Variants in TEAD1 observed in about 807,000 individuals in gnomAD.
TEAD1 encodes the protein TEA domain transcription factor 1.
Under a neutral mutation model 54.9 loss-of-function variants are expected in TEAD1, and 9 were observed. That is an observed-to-expected ratio of 0.16 (90% CI 0.10 to 0.29). The LOEUF (loss-of-function observed/expected upper bound fraction) is 0.29. Ranked by LOEUF, TEAD1 falls within the 10% of genes least tolerant of loss-of-function variation. TEAD1 has a pLI of 1.00. For missense variants in TEAD1, 387 were observed against 535.9 expected, an observed-to-expected ratio of 0.72 and a Z score of 2.74; for synonymous variants, 200 against 187.8, an observed-to-expected ratio of 1.07 and a Z score of -0.53.
intron 10 of TEAD1, among the ~76,000 whole-genome samples, chr11:12,912,581 G>A (rs1439036205): frequency 6.6e-6 from 1 of 152,016 alleles, no homozygotes; most frequent in East Asian, 1.9e-4. Context: ...TGGAAACCCT[G>A]GTCACAGGGG....
intron 3 of TEAD1, among the ~76,000 whole-genome samples, chr11:12,785,564 C>G (rs565354823): frequency 6.6e-6 from 1 of 151,782 alleles, no homozygotes; most frequent in South Asian, 2.1e-4. Context: ...GATATATAAT[C>G]TTCCTTCCTG....
chr11:12,698,882 G>C (rs971180506), intron 2 of TEAD1, among the ~76,000 whole-genome samples: 13 of 152,126 alleles, frequency 8.5e-5, no homozygotes, highest in African/African-American at 3.1e-4. Flanking sequence ...ACTCTTTCCA[G>C]GTTTGTTATT....
At chr11:12,736,519 A>G (rs1944535856) in intron 2 of TEAD1, among the ~76,000 whole-genome samples, 1 of 152,196 alleles carries the variant, frequency 6.6e-6, no homozygotes, top group South Asian at 2.1e-4. Context: ...TGAAGATGCA[A>G]TTTATTAGTG....
In TEAD1 at chr11:12,854,732, C is replaced by T. The variant is rs1947337800; in HGVS notation, c.203-7518C>T. Among the ~76,000 whole-genome samples the T allele has an allele frequency of 2.6e-5, 4 of 151,372 alleles. No homozygotes were observed. The South Asian group carries it at 8.4e-4, about 32-fold the overall frequency. ...TCAGCCTCCTGAGTACCTGGGACCA[C>T]AGGCAGGTGCTACCAAGCCTGGCTG... is the stretch of plus-strand genomic sequence containing the variant. On this transcript the variant is annotated intron_variant, in intron 3 of 12. Coordinates refer to ENST00000527636, the MANE Select transcript of TEAD1 (RefSeq NM_021961.6).
At chr11:12,811,385 G>A (rs1424131952) in intron 3 of TEAD1, among the ~76,000 whole-genome samples, 1 of 152,202 alleles carries the variant, frequency 6.6e-6, no homozygotes, top group Non-Finnish European at 1.5e-5. Flanking sequence ...CATCTAAGCT[G>A]TTGGAACAAG....
chr11:12,677,323 C>T (rs568464312), intron 2 of TEAD1, among the ~76,000 whole-genome samples: 2 of 152,078 alleles, frequency 1.3e-5, no homozygotes, highest in Non-Finnish European at 2.9e-5. Context: ...TGTGCCCAGG[C>T]CCCAGCAGCA....
At chr11:12,888,993 C>T (rs901799091) in intron 9 of TEAD1, among the ~76,000 whole-genome samples, 2 of 152,122 alleles carry the variant, frequency 1.3e-5, no homozygotes, top group African/African-American at 4.8e-5. Flanking sequence ...CGGCAGCTTC[C>T]CCAAGTTGGT....
intron 10 of TEAD1, among the ~76,000 whole-genome samples, chr11:12,919,032 A>C (rs969795849): frequency 1.3e-5 from 2 of 152,210 alleles, no homozygotes; most frequent in African/African-American, 4.8e-5. Context: ...CCATTTCTTC[A>C]TCTGGGTGCT....
At position 12,674,479 on chromosome 11, in the gene TEAD1, C is replaced by G. The variant is rs1307315066; in HGVS notation, c.-563C>G. 1 of 152,010 alleles carries G rather than the reference C, an allele frequency of 6.6e-6. No homozygotes were observed. The highest frequency in any genetic ancestry group is 1.5e-5 in the Non-Finnish European group (1 of 68,368). 9.4% of individuals were successfully genotyped at this position (152,010 alleles called of 1,614,324 possible). A position where few individuals can be genotyped will look rare whatever the true frequency, so the allele number is the denominator to read the frequency against. On this transcript the variant is annotated 5_prime_UTR_variant, in exon 1 of 13. Coordinates refer to ENST00000527636, the MANE Select transcript of TEAD1 (RefSeq NM_021961.6). ...CCGCGCCGCCTGAGCCGAGCCGAGC[C>G]TCTGCTGCCGCCGCCGCGGCCCCGC...
intron 3 of TEAD1, among the ~76,000 whole-genome samples, chr11:12,813,758 G>A (rs544093212): frequency 9.9e-5 from 15 of 152,250 alleles, no homozygotes; most frequent in Admixed American, 3.9e-4. Context: ...TTTCCTGCCC[G>A]TCTGCAGGGG....
chr11:12,677,907 A>G (rs954943320), intron 2 of TEAD1, among the ~76,000 whole-genome samples: 2 of 152,188 alleles, frequency 1.3e-5, no homozygotes, highest in Non-Finnish European at 2.9e-5. Context: ...TGTGAGCATA[A>G]TTATGCTGCC....
intron 10 of TEAD1, among the ~76,000 whole-genome samples, chr11:12,913,960 TTGGGGCCAGCTCAGC>T (rs1352539928): frequency 1.3e-5 from 2 of 152,194 alleles, no homozygotes; most frequent in East Asian, 3.9e-4. Context: ...TGAGAAAGGT[TTGGGGCCAGCTCAGC>T]TGGGCACCCA....
chr11:12,801,269 A>G (rs538703117), intron 3 of TEAD1, among the ~76,000 whole-genome samples: 60 of 152,312 alleles, frequency 3.9e-4, no homozygotes, highest in Non-Finnish European at 5.4e-4. Context: ...ATACATGGTG[A>G]TTGGTCTTGA....
chr11:12,732,152 C>T (rs1194127128), intron 2 of TEAD1, among the ~76,000 whole-genome samples: 1 of 152,080 alleles, frequency 6.6e-6, no homozygotes, highest in Non-Finnish European at 1.5e-5. Context: ...TTAAAGTCAG[C>T]TGGTCATTAT....
At chr11:12,865,005 T>G (rs1309708218) in intron 5 of TEAD1, 105 bp downstream of exon 5, 19 of 1,263,800 alleles carry the variant, frequency 1.5e-5, no homozygotes, top group Non-Finnish European at 2.1e-5. Flanking sequence ...TAACCTAGTT[T>G]CCTTGCATGT....
chr11:12,878,927 T>G (rs973109385), intron 5 of TEAD1: 82 of 1,285,406 alleles, frequency 6.4e-5, no homozygotes, highest in Non-Finnish European at 7.8e-5. Context: ...AACTGAGTAT[T>G]CTGTATTTTA....
At chr11:12,812,066 G>C (rs990375108) in intron 3 of TEAD1, among the ~76,000 whole-genome samples, 1 of 152,108 alleles carries the variant, frequency 6.6e-6, no homozygotes, top group Non-Finnish European at 1.5e-5. Flanking sequence ...TGGATGGATC[G>C]TCTCACACAG....
At chr11:12,708,391 A>G (rs1943864312) in intron 2 of TEAD1, among the ~76,000 whole-genome samples, 1 of 152,074 alleles carries the variant, frequency 6.6e-6, no homozygotes, top group Non-Finnish European at 1.5e-5. Context: ...TGAGGTGAGT[A>G]TGGATTAGTG....
At chr11:12,710,827 A>G (rs115385493) in intron 2 of TEAD1, among the ~76,000 whole-genome samples, 1,746 of 152,208 alleles carry the variant, frequency 0.011, 33 homozygotes, top group African/African-American at 0.04. Flanking sequence ...TAGGGAGAGT[A>G]GCTCTTCAGG....
Sources: gnomAD v4.1 joint callset for allele counts (sites outside exome capture counted in the v4.1 genomes callset) on GRCh38, gnomAD v4.1.1 for gene constraint, MANE v1.5 for transcripts, NCBI Gene and HGNC (gene_info 2026-07-23, HGNC 2026-07-21) for gene names.